DOP1B: variants seen among roughly 807,000 people sequenced by gnomAD.
DOP1B encodes the protein DOP1 leucine zipper like protein B, also known as protein DOP1B.
Under a neutral mutation model 233.5 loss-of-function variants are expected in DOP1B, and 174 were observed. The observed-to-expected ratio is 0.75, with a 90% confidence interval of 0.66 to 0.85. DOP1B has a LOEUF of 0.85. Among genes scored for constraint, DOP1B ranks in the 40% least tolerant of loss-of-function variants. DOP1B has a pLI of 0.00. For missense variants in DOP1B, 2,652 were observed against 2,846.6 expected, an observed-to-expected ratio of 0.93 and a Z score of 1.56; for synonymous variants, 1,190 against 1,185.6, an observed-to-expected ratio of 1.00 and a Z score of -0.08.
chr21:36,228,459 CA>C (rs888475899), intron 13 of DOP1B, among the ~76,000 whole-genome samples: 148 of 146,326 alleles, frequency 1.0e-3, no homozygotes, highest in Middle Eastern at 3.6e-3. Context: ...GACTCCGTTT[CA>C]AAAAAAAAAA....
At chr21:36,241,480 T>G (rs1256234114) in intron 18 of DOP1B, among the ~76,000 whole-genome samples, 1 of 150,960 alleles carries the variant, frequency 6.6e-6, no homozygotes, top group Non-Finnish European at 1.5e-5. Context: ...TCTTGTTTTT[T>G]CTTATCCTGT....
intron 4 of DOP1B, among the ~76,000 whole-genome samples, chr21:36,208,408 T>C (rs928753913): frequency 1.3e-5 from 2 of 152,202 alleles, no homozygotes; most frequent in Non-Finnish European, 2.9e-5. Context: ...TAGGCATCCG[T>C]GGCACGGCCA....
chr21:36,227,330 A>C (rs570833237), intron 12 of DOP1B, among the ~76,000 whole-genome samples: 2 of 151,942 alleles, frequency 1.3e-5, no homozygotes, highest in East Asian at 3.9e-4. Context: ...GATGGATCAC[A>C]AAGTCAGGAG....
chr21:36,186,472 T>C (rs527744264), intron 2 of DOP1B, among the ~76,000 whole-genome samples: 1 of 152,290 alleles, frequency 6.6e-6, no homozygotes, highest in Admixed American at 6.5e-5. Flanking sequence ...TGTGCCTGCA[T>C]GTGTGGACAT....
At chr21:36,187,188 G>GCCCCT (rs1225336270) in intron 2 of DOP1B, among the ~76,000 whole-genome samples, 1 of 149,306 alleles carries the variant, frequency 6.7e-6, no homozygotes, top group Non-Finnish European at 1.5e-5. Flanking sequence ...TGGCTGTCCT[G>GCCCCT]CCCCTCCCCT....
chr21:36,221,342 A>G (rs1464757614), intron 10 of DOP1B, among the ~76,000 whole-genome samples: 1 of 151,574 alleles, frequency 6.6e-6, no homozygotes, highest in Non-Finnish European at 1.5e-5. Flanking sequence ...AAAAAATACA[A>G]AGGTTAGCCG....
chr21:36,203,472 G>A (rs1449149942), intron 4 of DOP1B, among the ~76,000 whole-genome samples: 1 of 152,204 alleles, frequency 6.6e-6, no homozygotes, highest in African/African-American at 2.4e-5. Flanking sequence ...GAAGACTGAG[G>A]CAGAAGAATC....
chr21:36,289,252 GT>G (rs777980189), intron 35 of DOP1B, 46 bp downstream of exon 35: 2 of 1,587,324 alleles, frequency 1.3e-6, no homozygotes, highest in African/African-American at 1.4e-5. Flanking sequence ...AAGAGATTTT[GT>G]TTTTTCCTTT....
intron 10 of DOP1B, among the ~76,000 whole-genome samples, chr21:36,222,583 C>CAA (rs932664622): frequency 1.5e-5 from 2 of 130,892 alleles, no homozygotes; most frequent in East Asian, 2.2e-4. Context: ...GACTGTGTCT[C>CAA]AAAAAAAAAA....
At chr21:36,166,866 C>T (rs946724554) in intron 2 of DOP1B, among the ~76,000 whole-genome samples, 24 of 152,208 alleles carry the variant, frequency 1.6e-4, no homozygotes, top group African/African-American at 5.8e-4. Context: ...GGCCAGTAAG[C>T]TGCTGGTCTT....
intron 32 of DOP1B, among the ~76,000 whole-genome samples, chr21:36,286,902 T>G (rs1469821552): frequency 6.6e-6 from 1 of 151,634 alleles, no homozygotes; most frequent in Non-Finnish European, 1.5e-5. Context: ...AGGCGGAGGT[T>G]GTAGTGAGCG....
At chr21:36,244,634 G>A (rs1297664398) in intron 18 of DOP1B, among the ~76,000 whole-genome samples, 4 of 151,780 alleles carry the variant, frequency 2.6e-5, no homozygotes, top group East Asian at 2.0e-4. Context: ...CCATTTTGGC[G>A]AGGCTGATCT....
At chr21:36,281,260 C>T (rs1175624808) in intron 31 of DOP1B, among the ~76,000 whole-genome samples, 2 of 152,174 alleles carry the variant, frequency 1.3e-5, no homozygotes, top group African/African-American at 4.8e-5. Context: ...CCCACCACTG[C>T]ACTCCAGGCT....
At chr21:36,250,519 G>A (rs1271275380) in intron 21 of DOP1B, among the ~76,000 whole-genome samples, 3 of 152,156 alleles carry the variant, frequency 2.0e-5, no homozygotes, top group South Asian at 2.1e-4. Flanking sequence ...GGCCCCAGGC[G>A]GAGAGGATTT....
At chr21:36,260,936 C>T (rs1348526573) in intron 24 of DOP1B, 10 of 1,379,752 alleles carry the variant, frequency 7.2e-6, no homozygotes, top group African/African-American at 1.5e-5. Flanking sequence ...ATCTGTGCAG[C>T]GTACTTTGAA....
intron 10 of DOP1B, among the ~76,000 whole-genome samples, chr21:36,222,884 C>T (rs892823114): frequency 1.3e-5 from 2 of 151,916 alleles, no homozygotes; most frequent in South Asian, 2.1e-4. Context: ...TACAGGTATC[C>T]GCCATCATGC....
intron 32 of DOP1B, among the ~76,000 whole-genome samples, chr21:36,286,847 C>T (rs2067489804): frequency 6.6e-6 from 1 of 151,880 alleles, no homozygotes; most frequent in Non-Finnish European, 1.5e-5. Context: ...ACCTGTAATC[C>T]CAACTACTCT....
intron 3 of DOP1B, 131 bp from the exon 4 acceptor site, chr21:36,200,200 C>G: frequency 1.7e-6 from 2 of 1,191,020 alleles, no homozygotes; most frequent in Non-Finnish European, 2.3e-6. Flanking sequence ...CATGTCATAC[C>G]CACACATCGA....
At chr21:36,261,384 A>AT (rs2067169607) in intron 24 of DOP1B, 1 of 993,746 alleles carries the variant, frequency 1.0e-6, no homozygotes, top group Admixed American at 6.1e-5. Flanking sequence ...AAAAAAAAAA[A>AT]GGCAAAATGA....
Sources: gnomAD v4.1 joint callset for allele counts (sites outside exome capture counted in the v4.1 genomes callset) on GRCh38, gnomAD v4.1.1 for gene constraint, MANE v1.5 for transcripts, NCBI Gene and HGNC (gene_info 2026-07-23, HGNC 2026-07-21) for gene names.